Variants in SUCLA2 observed in about 807,000 individuals in gnomAD.
SUCLA2 encodes succinate--CoA ligase [ADP-forming] subunit beta, mitochondrial.
A neutral mutation model predicts 54.8 loss-of-function variants in SUCLA2; 30 were observed. The ratio of observed to expected loss-of-function variants is 0.55; its 90% CI spans 0.41 to 0.74. SUCLA2 has a LOEUF of 0.74. SUCLA2 is among the 30% of genes least tolerant of loss of function. The pLI, the probability that SUCLA2 is intolerant of heterozygous loss-of-function variation, is 0.00. For missense variants in SUCLA2, 476 were observed against 562.9 expected (o/e 0.85, Z 1.56); for synonymous variants, 172 against 188.9 (o/e 0.91, Z 0.74).
At chr13:47,981,093 A>G in intron 4 of SUCLA2, among the ~76,000 whole-genome samples, 1 of 152,230 alleles carries the variant, frequency 6.6e-6, no homozygotes, top group Admixed American at 6.5e-5. Flanking sequence ...GCAAAAATTG[A>G]CAAATGGAAC....
intron 8 of SUCLA2, among the ~76,000 whole-genome samples, chr13:47,953,303 C>T (rs1949791143): frequency 6.6e-6 from 1 of 152,122 alleles, no homozygotes; most frequent in Non-Finnish European, 1.5e-5. Flanking sequence ...AAGTACTCAA[C>T]TCAATTCTAG....
At chr13:47,994,373 GC>G (rs1950174738) in intron 2 of SUCLA2, among the ~76,000 whole-genome samples, 1 of 151,992 alleles carries the variant, frequency 6.6e-6, no homozygotes, top group Non-Finnish European at 1.5e-5. Context: ...TTCGAGACCA[GC>G]CTGACCAACA....
intron 6 of SUCLA2, among the ~76,000 whole-genome samples, chr13:47,957,372 AT>A (rs1188181608): frequency 6.6e-6 from 1 of 152,094 alleles, no homozygotes; most frequent in East Asian, 1.9e-4. Flanking sequence ...TCCGTAACAG[AT>A]TTTGGTTAGT....
At chr13:47,996,695 T>A in intron 2 of SUCLA2, 148 bp downstream of exon 2, 1 of 596,076 alleles carries the variant, frequency 1.7e-6, no homozygotes, top group Non-Finnish European at 2.7e-6. Context: ...AGAATTTCAA[T>A]AATAATAAAG....
At chr13:47,975,219 G>A (rs1950002044) in intron 4 of SUCLA2, among the ~76,000 whole-genome samples, 1 of 150,028 alleles carries the variant, frequency 6.7e-6, no homozygotes, top group Admixed American at 6.7e-5. Flanking sequence ...GGAGTGAAAT[G>A]ATGCGATCTC....
At chr13:47,944,504 C>A (rs1481096043) in intron 10 of SUCLA2, among the ~76,000 whole-genome samples, 1 of 151,952 alleles carries the variant, frequency 6.6e-6, no homozygotes, top group East Asian at 1.9e-4. Flanking sequence ...AGTTTTCATT[C>A]CAAAAAAGTG....
At position 48,001,182 on chromosome 13, in the gene SUCLA2, G is replaced by A; in HGVS notation, c.88C>T (p.Gln30Ter). ...GACAGCGGACTGGAAGGCATTACCT[G>A]AGCAGCAGCCCGCTGGGCCGTCCGA... is the stretch of plus-strand genomic sequence containing the variant. ...RPRTAQRAAA[Q>*]VLGSSGLFNN... Residue 30 changes from glutamine to a stop codon, truncating the protein, a stop_gained and splice_region_variant, in exon 1 of 11, where the codon CAG becomes TAG. Coordinates refer to ENST00000646932, the MANE Select transcript of SUCLA2 (RefSeq NM_003850.3). LOFTEE classifies it high-confidence loss of function. The A allele has an allele frequency of 1.9e-6, 3 of 1,608,976 alleles. No individual in the cohort carries two copies. The highest frequency in any genetic ancestry group is 1.7e-4 in the Middle Eastern group (1 of 6,052).
chr13:47,991,754 C>T (rs1179823365), intron 2 of SUCLA2: 3 of 152,124 alleles, frequency 2.0e-5, no homozygotes, highest in Admixed American at 6.5e-5. Context: ...ACTGCTCTTA[C>T]GAAAACTCCC....
intron 6 of SUCLA2, chr13:47,965,577 C>T (rs1949911808): frequency 5.1e-6 from 2 of 390,808 alleles, no homozygotes; most frequent in Admixed American, 4.5e-5. Context: ...ATAAATCAAA[C>T]TTCCAGATCT....
intron 6 of SUCLA2, chr13:47,956,690 A>T (rs1949824292): frequency 6.6e-6 from 1 of 152,228 alleles, no homozygotes; most frequent in South Asian, 2.1e-4. Flanking sequence ...TTTGTCCCAC[A>T]GGGGACATCA....
intron 1 of SUCLA2, among the ~76,000 whole-genome samples, chr13:47,999,701 C>T (rs1950215484): frequency 9.0e-6 from 1 of 111,442 alleles, no homozygotes; most frequent in African/African-American, 3.7e-5. Flanking sequence ...AGCAAGACTC[C>T]GTCTCAAGGA....
At chr13:47,985,394 C>T (rs567200847) in intron 4 of SUCLA2, among the ~76,000 whole-genome samples, 1 of 151,986 alleles carries the variant, frequency 6.6e-6, no homozygotes, top group South Asian at 2.1e-4. Context: ...TCCCTCCACC[C>T]CCACCCCGAC....
Position 48,001,271 on chromosome 13 carries a change from T to C in SUCLA2, c.-2A>G. 1 of 1,595,372 alleles carries C rather than the reference T, an allele frequency of 6.3e-7. No homozygotes were observed. The highest frequency in any genetic ancestry group is 8.5e-7 in the Non-Finnish European group (1 of 1,172,026). On this transcript the variant is annotated 5_prime_UTR_variant, in exon 1 of 11. Coordinates refer to ENST00000646932, the MANE Select transcript of SUCLA2 (RefSeq NM_003850.3). ...GCCGTAGAACATGGAGGCCGCCATT[T>C]CTGAGTCGGACCCCGTCCCCTCGGC...
intron 4 of SUCLA2, among the ~76,000 whole-genome samples, chr13:47,986,551 G>A (rs1400668984): frequency 6.6e-6 from 1 of 152,164 alleles, no homozygotes; most frequent in Non-Finnish European, 1.5e-5. Context: ...AGCTTAATTA[G>A]ATCCCATTTG....
intron 4 of SUCLA2, among the ~76,000 whole-genome samples, chr13:47,980,899 A>G (rs1223113630): frequency 6.6e-6 from 1 of 152,236 alleles, no homozygotes; most frequent in Non-Finnish European, 1.5e-5. Context: ...CACATGCAAA[A>G]GAATGAAGTT....
At chr13:47,988,181 G>C (rs1214060307) in intron 4 of SUCLA2, 1 of 262,460 alleles carries the variant, frequency 3.8e-6, no homozygotes, top group Non-Finnish European at 7.0e-6. Flanking sequence ...CATTCTTCTA[G>C]TGGGTTCAGC....
At chr13:47,994,875 ATAT>A (rs1265802881) in intron 2 of SUCLA2, 2 of 985,066 alleles carry the variant, frequency 2.0e-6, no homozygotes, top group Non-Finnish European at 2.4e-6. Context: ...TATCCTGCAC[ATAT>A]TATTTCTTTC....
intron 1 of SUCLA2, among the ~76,000 whole-genome samples, chr13:47,997,351 C>G (rs1950199292): frequency 1.3e-5 from 2 of 151,522 alleles, no homozygotes; most frequent in African/African-American, 4.9e-5. Flanking sequence ...TCCACCAAAC[C>G]AAAAATCCTT....
intron 2 of SUCLA2, among the ~76,000 whole-genome samples, chr13:47,993,268 T>C (rs1593503306): frequency 6.6e-6 from 1 of 152,162 alleles, no homozygotes; most frequent in East Asian, 1.9e-4. Flanking sequence ...AAACCCTTAC[T>C]AAAATCATAT....
Sources: gnomAD v4.1 joint callset for allele counts (sites outside exome capture counted in the v4.1 genomes callset) on GRCh38, gnomAD v4.1.1 for gene constraint, MANE v1.5 for transcripts, NCBI Gene and HGNC (gene_info 2026-07-23, HGNC 2026-07-21) for gene names.